Variants in CORO7 observed in about 807,000 individuals in gnomAD.
CORO7 encodes coronin 7.
A neutral mutation model predicts 126.6 loss-of-function variants in CORO7; 107 were observed. That is an observed-to-expected ratio of 0.85 (90% confidence interval 0.72 to 0.99). The LOEUF is 0.99. Ranked by LOEUF, CORO7 falls within the 50% of genes least tolerant of loss-of-function variation. CORO7 has a pLI of 0.00. For synonymous variants in CORO7, 603 were observed against 536.8 expected, an observed-to-expected ratio of 1.12 and a Z score of -1.70; for missense variants, 1,314 against 1,255.8, an observed-to-expected ratio of 1.05 and a Z score of -0.70.
chr16:4,382,825 G>C (rs747977090), intron 9 of CORO7: 2 of 1,598,458 alleles, frequency 1.3e-6, no homozygotes, highest in East Asian at 2.3e-5. Context: ...CAGCGGGTCT[G>C]AGTGTGAGGT....
chr16:4,377,824 A>C lies in CORO7; in HGVS notation c.785+10162T>G, dbSNP rs556704342. Reference sequence around the variant, plus strand: ...GGGCTCAGGCAAAAGAGCTCACCGCACATTTTACGGGGCTGGGAAGCAGGC... The same window carrying C: ...GGGCTCAGGCAAAAGAGCTCACCGCCCATTTTACGGGGCTGGGAAGCAGGC... On this transcript the variant is annotated intron_variant, in intron 9 of 27. Transcript: ENST00000251166. Among the ~76,000 whole-genome samples, 485 of 152,274 alleles carry C rather than the reference A, an allele frequency of 3.2e-3. 4 individuals are homozygous for C. Among genetic ancestry groups the C allele is most frequent in the Middle Eastern group, 0.01 (3 of 294 alleles).
At chr16:4,396,194 C>T (rs1314245085) in intron 6 of CORO7, among the ~76,000 whole-genome samples, 3 of 152,146 alleles carry the variant, frequency 2.0e-5, no homozygotes, top group African/African-American at 2.4e-5. Flanking sequence ...ATTCTCCTGC[C>T]TTAGCCTCCC....
At chr16:4,355,247 C>T (rs750336177) in intron 27 of CORO7, 39 bp downstream of exon 27, 28 of 1,610,270 alleles carry the variant, frequency 1.7e-5, no homozygotes, top group Middle Eastern at 1.7e-4. Flanking sequence ...TGCGAGGGAC[C>T]GCGCTGCCTG....
chr16:4,356,264 A>G (rs2053974508), intron 26 of CORO7, among the ~76,000 whole-genome samples: 1 of 150,852 alleles, frequency 6.6e-6, no homozygotes, highest in African/African-American at 2.4e-5. Context: ...CACCTGGTTA[A>G]TTTAAAAAAT....
intron 3 of CORO7, among the ~76,000 whole-genome samples, chr16:4,411,654 T>C (rs937405430): frequency 2.0e-5 from 3 of 152,020 alleles, no homozygotes; most frequent in African/African-American, 7.3e-5. Flanking sequence ...ATCATTATCA[T>C]ATCAGAACCC....
intron 9 of CORO7, among the ~76,000 whole-genome samples, chr16:4,384,752 G>T (rs574468430): frequency 1.3e-5 from 2 of 152,202 alleles, no homozygotes; most frequent in Non-Finnish European, 2.9e-5. Flanking sequence ...CCTGGGTGGG[G>T]CCCCTTCTTC....
chr16:4,399,752 G>A (rs756830711), intron 6 of CORO7, among the ~76,000 whole-genome samples: 9 of 152,066 alleles, frequency 5.9e-5, no homozygotes, highest in Non-Finnish European at 1.0e-4. Flanking sequence ...GTAGCTGGGC[G>A]TGGTGGCACG....
intron 7 of CORO7, among the ~76,000 whole-genome samples, chr16:4,394,287 T>C (rs912437640): frequency 1.3e-5 from 2 of 149,540 alleles, no homozygotes; most frequent in Non-Finnish European, 3.0e-5. Flanking sequence ...CTACTAAAAA[T>C]ACAAAAACAA....
At chr16:4,391,417 A>C (rs919976646) in intron 7 of CORO7, among the ~76,000 whole-genome samples, 1 of 152,158 alleles carries the variant, frequency 6.6e-6, no homozygotes, top group Non-Finnish European at 1.5e-5. Context: ...TTAGCTGGGC[A>C]TGGTGGCAGG....
intron 19 of CORO7, 94 bp from the exon 20 acceptor site, chr16:4,360,642 C>T (rs1235264180): frequency 1.4e-6 from 2 of 1,460,974 alleles, no homozygotes; most frequent in Non-Finnish European, 1.8e-6. Flanking sequence ...CTGGCGCCGC[C>T]CCTCCTCACT....
At chr16:4,393,275 C>T (rs1220814470) in intron 7 of CORO7, among the ~76,000 whole-genome samples, 1 of 152,172 alleles carries the variant, frequency 6.6e-6, no homozygotes, top group Admixed American at 6.5e-5. Context: ...TGAGCCTGGG[C>T]CCCGCTTTCT....
intron 9 of CORO7, 46 bp from the exon 10 acceptor site, chr16:4,365,591 T>C: frequency 6.4e-7 from 1 of 1,554,700 alleles, no homozygotes; most frequent in Non-Finnish European, 8.7e-7. Flanking sequence ...GTGGGAGGGC[T>C]GCCAGACTCG....
chr16:4,392,147 G>A (rs116665150), intron 7 of CORO7, among the ~76,000 whole-genome samples: 3,758 of 152,190 alleles, frequency 0.025, 167 homozygotes, highest in African/African-American at 0.086. Flanking sequence ...GCCCCCTCCC[G>A]CCCAGACAAG....
chr16:4,367,415 C>A lies in CORO7; in HGVS notation c.786-1870G>T, dbSNP rs571266053. ...CACAATCATTCACTCCTTTGATGAG[C>A]TGGTCTGTGCCTGGTCCTCGGCTCG... On this transcript the variant is annotated intron_variant, in intron 9 of 27. Coordinates refer to ENST00000251166, the MANE Select transcript of CORO7 (RefSeq NM_024535.5). 6.6e-5 allele frequency among the ~76,000 whole-genome samples: 10 copies of A among 152,372 alleles called. 1 individual carries two copies. In the South Asian group the frequency reaches 2.1e-3, roughly 32 times the overall value.
At chr16:4,358,141 C>T in intron 24 of CORO7, 38 bp from the exon 25 acceptor site, 1 of 1,592,714 alleles carries the variant, frequency 6.3e-7, no homozygotes, top group South Asian at 1.1e-5. Flanking sequence ...AGACATTGAC[C>T]AGGTGCCCAG....
At chr16:4,406,369 A>G (rs1289853813) in intron 5 of CORO7, among the ~76,000 whole-genome samples, 1 of 151,852 alleles carries the variant, frequency 6.6e-6, no homozygotes. Flanking sequence ...GATCATAGCT[A>G]ACTGCAGCTT....
chr16:4,374,860 C>T (rs1280271196), intron 9 of CORO7, among the ~76,000 whole-genome samples: 1 of 152,076 alleles, frequency 6.6e-6, no homozygotes, highest in Admixed American at 6.5e-5. Context: ...GGCGGCCTTC[C>T]TTGGTGACTA....
At chr16:4,361,662 G>C (rs2054184118) in intron 16 of CORO7, 193 bp from the exon 17 acceptor site, 2 of 812,970 alleles carry the variant, frequency 2.5e-6, no homozygotes, top group Admixed American at 2.0e-5. Context: ...GCCCCAGAGA[G>C]TGAGGGGGCA....
intron 19 of CORO7, 89 bp from the exon 20 acceptor site, chr16:4,360,637 GCCGCCCCTCCTCACTGCTGTTC>G: frequency 1.4e-6 from 2 of 1,439,738 alleles, no homozygotes; most frequent in Admixed American, 2.1e-5. Context: ...CACTGCTGGC[GCCGCCCCTCCTCACTGCTGTTC>G]CCGCCTCTCC....
Sources: gnomAD v4.1 joint callset for allele counts (sites outside exome capture counted in the v4.1 genomes callset) on GRCh38, gnomAD v4.1.1 for gene constraint, MANE v1.5 for transcripts, NCBI Gene and HGNC (gene_info 2026-07-23, HGNC 2026-07-21) for gene names.